RFPL1: variants seen among roughly 807,000 people sequenced by gnomAD.
The protein encoded by RFPL1 is ret finger protein like 1.
Under a neutral mutation model 9.6 loss-of-function variants are expected in RFPL1, and 6 were observed. That is an observed-to-expected ratio of 0.62 (90% confidence interval 0.34 to 1.23). RFPL1 has a LOEUF of 1.23. Among genes scored for constraint, RFPL1 ranks in the 50% most tolerant of loss-of-function variants. RFPL1 has a pLI of 0.03. For missense variants in RFPL1, 352 were observed against 398.4 expected, an observed-to-expected ratio of 0.88 and a Z score of 0.99; for synonymous variants, 145 against 149.4, an observed-to-expected ratio of 0.97 and a Z score of 0.22.
chr22:29,431,224 G>A, the RFPL1 span, among the ~76,000 whole-genome samples: 1 of 152,128 alleles, frequency 6.6e-6, no homozygotes, highest in South Asian at 2.1e-4. Flanking sequence ...ACCAAGGGCA[G>A]GTATTAGAGA....
the RFPL1 span, among the ~76,000 whole-genome samples, chr22:29,392,371 C>T: frequency 1.5e-5 from 2 of 137,606 alleles, no homozygotes; most frequent in East Asian, 4.4e-4. Flanking sequence ...TGAGCTACCA[C>T]ACCTGGCTTT....
At chr22:29,424,846 C>G in the RFPL1 span, among the ~76,000 whole-genome samples, 12 of 123,586 alleles carry the variant, frequency 9.7e-5, no homozygotes, top group African/African-American at 3.3e-4. Flanking sequence ...CCCCCCCCCG[C>G]AAAATTGAGA....
At chr22:29,399,064 C>T in the RFPL1 span, among the ~76,000 whole-genome samples, 1 of 152,184 alleles carries the variant, frequency 6.6e-6, no homozygotes, top group African/African-American at 2.4e-5. Flanking sequence ...TATTGAATGA[C>T]TATTGAATGA....
chr22:29,392,205 G>C, the RFPL1 span, among the ~76,000 whole-genome samples: 1 of 148,730 alleles, frequency 6.7e-6, no homozygotes, highest in Non-Finnish European at 1.5e-5. Flanking sequence ...TCAGCCTCTC[G>C]AGTCGCTGGG....
the RFPL1 span, among the ~76,000 whole-genome samples, chr22:29,411,487 GCCCTAGTAGGATTCATGCAT>G: frequency 4.7e-5 from 4 of 85,882 alleles, no homozygotes; most frequent in African/African-American, 3.4e-4. Flanking sequence ...AACTCTTTCT[GCCCTAGTAGGATTCATGCAT>G]TTTATCTTCT....
intron 1 of RFPL1, chr22:29,440,048 CT>C: frequency 6.6e-6 from 1 of 152,080 alleles, no homozygotes; most frequent in Admixed American, 6.5e-5. Context: ...AATACTATCA[CT>C]CTCCATAACT....
At chr22:29,415,700 G>T in the RFPL1 span, among the ~76,000 whole-genome samples, 16 of 152,372 alleles carry the variant, frequency 1.1e-4, no homozygotes, top group East Asian at 1.7e-3. Flanking sequence ...CTCAAGAACA[G>T]AACTAAGCTC....
chr22:29,408,599 T>C, the RFPL1 span, among the ~76,000 whole-genome samples: 1 of 152,152 alleles, frequency 6.6e-6, no homozygotes, highest in Non-Finnish European at 1.5e-5. Context: ...GGAAGAGAAA[T>C]GCTTTTTGTT....
chr22:29,399,260 C>CAA, the RFPL1 span, among the ~76,000 whole-genome samples: 1 of 146,754 alleles, frequency 6.8e-6, no homozygotes, highest in Non-Finnish European at 1.5e-5. Flanking sequence ...GAATTCCCCT[C>CAA]AAAAAAAAAA....
the RFPL1 span, chr22:29,388,725 C>G: frequency 6.6e-6 from 1 of 152,376 alleles, no homozygotes; most frequent in East Asian, 1.9e-4. Context: ...ATGCTGCAGT[C>G]TCCCGCAGAG....
At chr22:29,422,566 A>C in the RFPL1 span, among the ~76,000 whole-genome samples, 2 of 152,178 alleles carry the variant, frequency 1.3e-5, no homozygotes, top group Admixed American at 6.6e-5. Flanking sequence ...CAACAAGAGC[A>C]AAACTCAGTC....
At chr22:29,411,928 C>T in the RFPL1 span, among the ~76,000 whole-genome samples, 3 of 152,150 alleles carry the variant, frequency 2.0e-5, no homozygotes, top group South Asian at 2.1e-4. Flanking sequence ...GTTGGCCAGG[C>T]TGGTCTGGAA....
chr22:29,416,475 C>T, the RFPL1 span, among the ~76,000 whole-genome samples: 24,850 of 152,148 alleles, frequency 0.16, 2,159 homozygotes, highest in Non-Finnish European at 0.2. Flanking sequence ...GCAACTGAAA[C>T]TCACTTCCCA....
upstream of RFPL1, chr22:29,437,827 A>G: frequency 8.0e-7 from 1 of 1,243,078 alleles, no homozygotes; most frequent in Non-Finnish European, 1.1e-6. Flanking sequence ...TAATTAATGA[A>G]TTCAACAAAG....
At chr22:29,437,625 G>A (rs760669302), upstream of RFPL1, 405 of 1,590,300 alleles carry the variant, frequency 2.5e-4, 3 homozygotes, top group Middle Eastern at 3.2e-3. Context: ...TGACCCAGTG[G>A]GAGGTGGGAA....
At chr22:29,411,881 G>A in the RFPL1 span, among the ~76,000 whole-genome samples, 1 of 152,136 alleles carries the variant, frequency 6.6e-6, no homozygotes, top group Non-Finnish European at 1.5e-5. Flanking sequence ...CTTATGTTTA[G>A]TATTTTGTAA....
upstream of RFPL1, among the ~76,000 whole-genome samples, chr22:29,434,270 C>G (rs1201647139): frequency 6.6e-6 from 1 of 152,108 alleles, no homozygotes; most frequent in African/African-American, 2.4e-5. Context: ...ATGGTTTCTG[C>G]CTTCATGGAT....
chr22:29,432,242 G>A, the RFPL1 span, among the ~76,000 whole-genome samples: 1 of 152,152 alleles, frequency 6.6e-6, no homozygotes, highest in South Asian at 2.1e-4. Flanking sequence ...GCAATTAACT[G>A]ATAAGATACT....
chr22:29,396,577 G>A, the RFPL1 span, among the ~76,000 whole-genome samples: 1 of 152,168 alleles, frequency 6.6e-6, no homozygotes, highest in African/African-American at 2.4e-5. Flanking sequence ...TAGAACTAAT[G>A]TACAGTGCCT....
Sources: gnomAD v4.1 joint callset for allele counts (sites outside exome capture counted in the v4.1 genomes callset) on GRCh38, gnomAD v4.1.1 for gene constraint, MANE v1.5 for transcripts, NCBI Gene and HGNC (gene_info 2026-07-23, HGNC 2026-07-21) for gene names.